The following ST6GALNAC5 variants were observed in gnomAD, a reference collection of about 807,000 sequenced individuals.
ST6GALNAC5 encodes the protein ST6 N-acetylgalactosaminide alpha-2,6-sialyltransferase 5, also known as alpha-N-acetylgalactosaminide alpha-2,6-sialyltransferase 5.
In ST6GALNAC5, 27 loss-of-function variants were observed where a neutral mutation model predicts 33.6. The observed-to-expected ratio is 0.80, with a 90% confidence interval of 0.59 to 1.11. The LOEUF (loss-of-function observed/expected upper bound fraction) is 1.11. Ranked by LOEUF, ST6GALNAC5 falls within the 50% of genes least tolerant of loss-of-function variation. ST6GALNAC5 has a pLI of 0.00. For synonymous variants in ST6GALNAC5, 194 were observed against 171.2 expected (o/e 1.13, Z -1.04); for missense variants, 428 against 454.0 (o/e 0.94, Z 0.52).
intron 2 of ST6GALNAC5, among the ~76,000 whole-genome samples, chr1:77,029,579 G>A (rs1405250588): frequency 6.6e-6 from 1 of 152,214 alleles, no homozygotes; most frequent in Non-Finnish European, 1.5e-5. Context: ...ATGGGGACTA[G>A]AAACGAAGTC....
chr1:77,044,749 T>C, intron 3 of ST6GALNAC5, 136 bp downstream of exon 3: 3 of 1,072,714 alleles, frequency 2.8e-6, no homozygotes, highest in South Asian at 1.9e-5. Flanking sequence ...AGTTCACTTG[T>C]AGGGTCCTCT....
At chr1:77,057,419 A>G (rs993479351) in intron 4 of ST6GALNAC5, among the ~76,000 whole-genome samples, 2 of 152,260 alleles carry the variant, frequency 1.3e-5, no homozygotes, top group African/African-American at 4.8e-5. Context: ...GCCTTCAGAA[A>G]TGAAGAGCCA....
Position 77,042,711 on chromosome 1 carries a change from G to A in ST6GALNAC5, c.262-1493G>A, listed in dbSNP as rs1651872666. 2.0e-5 allele frequency among the ~76,000 whole-genome samples: 3 copies of A among 152,194 alleles called. No homozygotes were observed. The South Asian group carries it at 6.2e-4, about 31-fold the overall frequency. On this transcript the variant is annotated intron_variant, in intron 2 of 4. Transcript: ENST00000477717. ...TCACTATGACAATCCTATGCTAAAGGTTCAACCGTATGCAGTTGCTATTTT... is the reference window on the plus strand; with the variant it reads ...TCACTATGACAATCCTATGCTAAAGATTCAACCGTATGCAGTTGCTATTTT...
chr1:76,885,856 A>G (rs1230143061), intron 2 of ST6GALNAC5, among the ~76,000 whole-genome samples: 1 of 152,166 alleles, frequency 6.6e-6, no homozygotes, highest in Non-Finnish European at 1.5e-5. Context: ...AGTTTTGTAA[A>G]TCATTCCCAA....
At chr1:77,005,962 G>T (rs551143021) in intron 2 of ST6GALNAC5, among the ~76,000 whole-genome samples, 2 of 152,226 alleles carry the variant, frequency 1.3e-5, no homozygotes, top group East Asian at 3.9e-4. Flanking sequence ...GGGCATTTGG[G>T]TTGTTTCCAA....
At chr1:76,986,719 T>A (rs191568805) in intron 2 of ST6GALNAC5, among the ~76,000 whole-genome samples, 100 of 152,340 alleles carry the variant, frequency 6.6e-4, no homozygotes, top group African/African-American at 1.7e-3. Context: ...ACACGTATGT[T>A]TATTGTGGCA....
chr1:76,973,120 G>C (rs556751159), intron 2 of ST6GALNAC5, among the ~76,000 whole-genome samples: 1 of 151,982 alleles, frequency 6.6e-6, no homozygotes, highest in South Asian at 2.1e-4. Context: ...TGTGTTATTT[G>C]CTTGCTTCTG....
At chr1:76,878,883 G>A (rs1653712103) in intron 2 of ST6GALNAC5, among the ~76,000 whole-genome samples, 1 of 152,098 alleles carries the variant, frequency 6.6e-6, no homozygotes, top group Non-Finnish European at 1.5e-5. Context: ...AGGCTATTCT[G>A]ATTGCTGCTT....
chr1:76,972,521 A>T (rs886200761), intron 2 of ST6GALNAC5, among the ~76,000 whole-genome samples: 2 of 152,148 alleles, frequency 1.3e-5, no homozygotes, highest in African/African-American at 4.8e-5. Flanking sequence ...AAAAATCTTT[A>T]TTTTTTCAAT....
intron 2 of ST6GALNAC5, among the ~76,000 whole-genome samples, chr1:76,956,400 T>C (rs1647981833): frequency 6.6e-6 from 1 of 152,176 alleles, no homozygotes; most frequent in Non-Finnish European, 1.5e-5. Flanking sequence ...CATTTTTCTA[T>C]AGTCACAAAA....
At position 76,868,041 on chromosome 1, in the gene ST6GALNAC5, G is replaced by T. The variant is rs1031260217; in HGVS notation, c.15+351G>T. The stretch of plus-strand genomic sequence containing the variant: ...GCCAAAAACTAAGAGGGACGGGGAG[G>T]GGGGACCTTTGCAGACTTTCTTCGT... On this transcript the variant is annotated intron_variant, in intron 1 of 4. Coordinates refer to ENST00000477717, the MANE Select transcript of ST6GALNAC5 (RefSeq NM_030965.3). This position sits in a 1 kb window ranked among gnomAD's most constrained non-coding sequence, Gnocchi z 4.3. Among the ~76,000 whole-genome samples the T allele has an allele frequency of 1.3e-5, 2 of 152,178 alleles. No homozygotes were observed. The highest frequency in any genetic ancestry group is 2.9e-5 in the Non-Finnish European group (2 of 68,020).
At chr1:76,998,163 G>C (rs1252436982) in intron 2 of ST6GALNAC5, among the ~76,000 whole-genome samples, 1 of 152,090 alleles carries the variant, frequency 6.6e-6, no homozygotes, top group African/African-American at 2.4e-5. Flanking sequence ...CTTCATAGCA[G>C]CATGAAAACA....
intron 2 of ST6GALNAC5, among the ~76,000 whole-genome samples, chr1:76,931,846 T>A (rs967831210): frequency 1.3e-5 from 2 of 151,726 alleles, no homozygotes; most frequent in Non-Finnish European, 2.9e-5. Flanking sequence ...AAGGACAGAG[T>A]CCCTGAAGTA....
intron 2 of ST6GALNAC5, among the ~76,000 whole-genome samples, chr1:76,925,074 T>C (rs1002431078): frequency 6.6e-6 from 1 of 151,986 alleles, no homozygotes; most frequent in African/African-American, 2.4e-5. Flanking sequence ...AGCCAGGGCA[T>C]CACACGGCAA....
chr1:77,050,134 C>A, intron 3 of ST6GALNAC5, 124 bp from the exon 4 acceptor site: 3 of 711,182 alleles, frequency 4.2e-6, no homozygotes, highest in South Asian at 1.9e-5. Flanking sequence ...AGATATTTAC[C>A]AAATGGAGGA....
At chr1:76,929,036 T>C (rs1647111966) in intron 2 of ST6GALNAC5, among the ~76,000 whole-genome samples, 1 of 152,166 alleles carries the variant, frequency 6.6e-6, no homozygotes, top group Non-Finnish European at 1.5e-5. Context: ...CCTTCAAGCC[T>C]TACTTTCTTT....
intron 2 of ST6GALNAC5, among the ~76,000 whole-genome samples, chr1:77,002,289 T>G (rs928240310): frequency 6.6e-6 from 1 of 152,234 alleles, no homozygotes; most frequent in Non-Finnish European, 1.5e-5. Flanking sequence ...GAGGTGTTTG[T>G]AGTATTCTCT....
intron 2 of ST6GALNAC5, among the ~76,000 whole-genome samples, chr1:76,947,243 A>G (rs1455222342): frequency 1.3e-5 from 2 of 152,130 alleles, no homozygotes; most frequent in Non-Finnish European, 2.9e-5. Context: ...TTTTTACCCC[A>G]CTAACATACA....
chr1:76,922,006 C>G (rs1253574692), intron 2 of ST6GALNAC5, among the ~76,000 whole-genome samples: 1 of 152,168 alleles, frequency 6.6e-6, no homozygotes, highest in East Asian at 1.9e-4. Flanking sequence ...GTTCCAACCA[C>G]TGAAATAAGG....
Sources: gnomAD v4.1 joint callset for allele counts (sites outside exome capture counted in the v4.1 genomes callset) on GRCh38, gnomAD v4.1.1 for gene constraint, Gnocchi (gnomAD v3.1) non-coding constraint, MANE v1.5 for transcripts, NCBI Gene and HGNC (gene_info 2026-07-23, HGNC 2026-07-21) for gene names.